The following EDARADD variants were observed in gnomAD, a reference collection of about 807,000 sequenced individuals.
EDARADD encodes ectodysplasin-A receptor-associated adapter protein.
EDARADD carries 20 observed loss-of-function variants against 25.6 expected under a neutral mutation model. The observed-to-expected ratio is 0.78, with a 90% CI of 0.55 to 1.14. EDARADD has a LOEUF of 1.14. EDARADD is among the 50% of genes most tolerant of loss of function. EDARADD has a pLI of 0.00. For missense variants in EDARADD, 225 were observed against 270.1 expected, an observed-to-expected ratio of 0.83 and a Z score of 1.17; for synonymous variants, 86 against 94.4, an observed-to-expected ratio of 0.91 and a Z score of 0.52.
rs1659735467 is a variant in EDARADD at position 236,483,348 on chromosome 1, G to T, written c.*699G>T. On this transcript the variant is annotated 3_prime_UTR_variant, in exon 6 of 6. Transcript: ENST00000334232. ...TAAGACTCGCTATATGGGGAAGGGT[G>T]TCTCAAAGCCTGTTGAGCCCATCAA... 2.5e-6 allele frequency: 4 copies of T among 1,573,982 alleles called. No individual in the cohort carries two copies. Among genetic ancestry groups the T allele is most frequent in the Non-Finnish European group, 3.5e-6 (4 of 1,146,436 alleles).
At chr1:236,431,107 C>T (rs1658082135) in intron 4 of EDARADD, among the ~76,000 whole-genome samples, 1 of 144,240 alleles carries the variant, frequency 6.9e-6, no homozygotes, top group South Asian at 2.3e-4. Flanking sequence ...AGAGTGAGAC[C>T]CTGTCTTAAA....
Position 236,395,674 on chromosome 1 carries a change from G to C in EDARADD, c.61+1169G>C. 1 of 1,566,472 alleles carries C rather than the reference G, an allele frequency of 6.4e-7. No homozygotes were observed. On this transcript the variant is annotated intron_variant, in intron 1 of 5. Coordinates refer to ENST00000334232, the MANE Select transcript of EDARADD (RefSeq NM_145861.4). This position sits in a 1 kb window ranked among gnomAD's most constrained non-coding sequence, Gnocchi z 6.9. ...CTCTGCGCGCAGGTAAAGGGACACAGCGCCGCGCCCGCTCCTGGAGCGAGC... is the reference window on the plus strand; with the variant it reads ...CTCTGCGCGCAGGTAAAGGGACACACCGCCGCGCCCGCTCCTGGAGCGAGC...
chr1:236,479,223 C>T (rs930931028), intron 5 of EDARADD, among the ~76,000 whole-genome samples: 17 of 152,018 alleles, frequency 1.1e-4, no homozygotes, highest in African/African-American at 2.2e-4. Context: ...TGGCCAGTCA[C>T]GGTGGCTCAT....
intron 4 of EDARADD, among the ~76,000 whole-genome samples, chr1:236,446,223 T>G (rs1162891156): frequency 6.6e-6 from 1 of 152,138 alleles, no homozygotes; most frequent in Non-Finnish European, 1.5e-5. Flanking sequence ...GTACAGCCCT[T>G]GGCCTGGCTA....
At chr1:236,442,652 T>A (rs762219382) in intron 4 of EDARADD, among the ~76,000 whole-genome samples, 10 of 152,206 alleles carry the variant, frequency 6.6e-5, no homozygotes, top group Non-Finnish European at 1.0e-4. Flanking sequence ...AACACCAGGC[T>A]TGGATAACAG....
chr1:236,421,373 A>T lies in EDARADD; in HGVS notation c.161-6019A>T, dbSNP rs1221022376. Among the ~76,000 whole-genome samples, 6 of 145,448 alleles carry T rather than the reference A, an allele frequency of 4.1e-5. 2 individuals carry two copies. In the South Asian group the frequency reaches 9.4e-4, roughly 23 times the overall value. On this transcript the variant is annotated intron_variant, in intron 3 of 5. Transcript: ENST00000334232. ...GAAATGAAGCCCATTACAAAAAGAG[A>T]ACAAGGACTGTGCGTGGTCCCCTTG...
chr1:236,388,128 A>ATGTGTG (rs113190602), intron 3 of EDARADD, among the ~76,000 whole-genome samples: 2 of 149,594 alleles, frequency 1.3e-5, no homozygotes, highest in East Asian at 3.9e-4. Context: ...TGCATTGTGT[A>ATGTGTG]TGTGTGTGTG....
chr1:236,417,741 G>A (rs562311006), intron 3 of EDARADD, among the ~76,000 whole-genome samples: 5 of 151,992 alleles, frequency 3.3e-5, no homozygotes, highest in African/African-American at 7.2e-5. Flanking sequence ...TCACATTTTC[G>A]AGAGAAAAAT....
rs1183664304 is a variant in EDARADD at position 236,431,748 on chromosome 1, C to T, written c.219+4298C>T. On this transcript the variant is annotated intron_variant, in intron 4 of 5. Coordinates refer to ENST00000334232, the MANE Select transcript of EDARADD (RefSeq NM_145861.4). ...CATCCTGGCTAACAAGGTGAAACCC[C>T]GTCTCTACTAAAAATACAAAAAATT... is the stretch of plus-strand genomic sequence containing the variant. Among the ~76,000 whole-genome samples, 2 of 66,286 alleles carry T rather than the reference C, an allele frequency of 3.0e-5. 1 individual carries two copies. The highest frequency in any genetic ancestry group is 3.1e-4 in the Admixed American group (2 of 6,368). The allele number at this position is 66,286 out of a possible 152,430, so 43.5% of individuals were successfully genotyped here. A position where few individuals can be genotyped will look rare whatever the true frequency, so the allele number is the denominator to read the frequency against.
intron 4 of EDARADD, among the ~76,000 whole-genome samples, chr1:236,437,460 AT>A (rs1202173199): frequency 2.0e-5 from 3 of 152,020 alleles, no homozygotes; most frequent in African/African-American, 7.2e-5. Context: ...TAGAAAGGTC[AT>A]CCTAGCAGGG....
At chr1:236,411,295 A>G (rs1196162732) in intron 2 of EDARADD, among the ~76,000 whole-genome samples, 2 of 152,160 alleles carry the variant, frequency 1.3e-5, no homozygotes, top group Non-Finnish European at 2.9e-5. Context: ...CTGGTTCTGG[A>G]GGCTGGAAGC....
At chr1:236,351,161 C>T (rs1666911886) in intron 3 of EDARADD, among the ~76,000 whole-genome samples, 1 of 152,058 alleles carries the variant, frequency 6.6e-6, no homozygotes, top group Non-Finnish European at 1.5e-5. Flanking sequence ...TTTTAAAACC[C>T]TACTTGTAAT....
intron 3 of EDARADD, among the ~76,000 whole-genome samples, chr1:236,418,154 C>T (rs1396002778): frequency 2.6e-5 from 4 of 151,772 alleles, no homozygotes; most frequent in South Asian, 4.2e-4. Flanking sequence ...GGGGTTTCAC[C>T]GTGTTAGCCA....
chr1:236,414,337 A>G, intron 3 of EDARADD, 38 bp downstream of exon 3: 1 of 1,532,580 alleles, frequency 6.5e-7, no homozygotes, highest in Non-Finnish European at 9.0e-7. Flanking sequence ...ACATGTGATT[A>G]TTTTAATATT....
exon 2 of EDARADD, chr1:236,348,772 A>C (rs574960702): frequency 6.6e-6 from 1 of 152,248 alleles, no homozygotes; most frequent in Non-Finnish European, 1.5e-5. Flanking sequence ...TGTGCTGCCC[A>C]ATGAAGCTGC....
intron 4 of EDARADD, among the ~76,000 whole-genome samples, chr1:236,458,069 G>T (rs560181808): frequency 7.2e-5 from 11 of 152,194 alleles, no homozygotes; most frequent in African/African-American, 2.4e-4. Context: ...GATGGTGTGG[G>T]TGTCAGGGTG....
intron 4 of EDARADD, among the ~76,000 whole-genome samples, chr1:236,461,968 GA>G (rs1436910070): frequency 3.3e-5 from 5 of 152,190 alleles, no homozygotes; most frequent in Admixed American, 6.5e-5. Context: ...GAGTTTTAAA[GA>G]TCTAATTGGC....
intron 3 of EDARADD, among the ~76,000 whole-genome samples, chr1:236,416,119 G>A (rs1180657201): frequency 6.6e-6 from 1 of 152,182 alleles, no homozygotes; most frequent in Admixed American, 6.5e-5. Context: ...TGTCCAAAAA[G>A]GCTGTGAGTG....
Position 236,482,756 on chromosome 1 carries a change from C to G in EDARADD, c.*107C>G, listed in dbSNP as rs910820776. 7.2e-5 allele frequency: 111 copies of G among 1,535,382 alleles called. No homozygotes were observed. Among genetic ancestry groups the G allele is most frequent in the African/African-American group, 1.2e-4 (9 of 73,424 alleles). Reference sequence around the variant, plus strand: ...AAGAGTTTAGGACAAGGACGTGGAACAGTGGACACTGGTTTTCCCCAAAGC... The same window carrying G: ...AAGAGTTTAGGACAAGGACGTGGAAGAGTGGACACTGGTTTTCCCCAAAGC... On this transcript the variant is annotated 3_prime_UTR_variant, in exon 6 of 6. Transcript: ENST00000334232.
Sources: gnomAD v4.1 joint callset for allele counts (sites outside exome capture counted in the v4.1 genomes callset) on GRCh38, gnomAD v4.1.1 for gene constraint, Gnocchi (gnomAD v3.1) non-coding constraint, MANE v1.5 for transcripts, NCBI Gene and HGNC (gene_info 2026-07-23, HGNC 2026-07-21) for gene names.